IMMT: variants seen among roughly 807,000 people sequenced by gnomAD.
The protein encoded by IMMT is MICOS complex subunit MIC60.
A neutral mutation model predicts 92.7 loss-of-function variants in IMMT; 40 were observed. The observed-to-expected ratio is 0.43, with a 90% CI of 0.34 to 0.56. The LOEUF is 0.56. Ranked by LOEUF, IMMT falls within the 20% of genes least tolerant of loss-of-function variation. IMMT has a pLI of 0.03. For synonymous variants in IMMT, 322 were observed against 336.1 expected (o/e 0.96, Z 0.46); for missense variants, 831 against 912.1 (o/e 0.91, Z 1.14).
At chr2:86,158,864 C>A in intron 9 of IMMT, 143 bp from the exon 10 acceptor site, 1 of 701,488 alleles carries the variant, frequency 1.4e-6, no homozygotes, top group East Asian at 2.9e-5. Context: ...AGAATATAAG[C>A]CTTATTTGTT....
At chr2:86,187,228 C>A (rs886151853) in intron 1 of IMMT, among the ~76,000 whole-genome samples, 1 of 152,154 alleles carries the variant, frequency 6.6e-6, no homozygotes, top group Non-Finnish European at 1.5e-5. Flanking sequence ...CTCTCTCTGG[C>A]CCCTGGCAAC....
intron 3 of IMMT, among the ~76,000 whole-genome samples, chr2:86,178,617 C>T (rs1677611319): frequency 6.6e-6 from 1 of 151,672 alleles, no homozygotes; most frequent in African/African-American, 2.4e-5. Context: ...CAGAGCAAGA[C>T]TCCGTCTTGG....
intron 9 of IMMT, chr2:86,159,229 G>T: frequency 2.6e-6 from 1 of 378,000 alleles, no homozygotes; most frequent in African/African-American, 2.1e-5. Context: ...AGGACTACAG[G>T]CGCACACCAC....
chr2:86,170,358 G>C lies in IMMT; in HGVS notation c.655+391C>G, dbSNP rs376157525. The stretch of plus-strand genomic sequence containing the variant: ...GGCTTTGGCCTGGGAGGTTGAGGCT[G>C]CAGTGAGCCATGACAGTGCCACCGC... On this transcript the variant is annotated intron_variant, in intron 6 of 14. Coordinates refer to ENST00000410111, the MANE Select transcript of IMMT (RefSeq NM_006839.3). Among the ~76,000 whole-genome samples, 7 of 152,188 alleles carry C rather than the reference G, an allele frequency of 4.6e-5. 2 individuals carry two copies. The East Asian group carries it at 1.2e-3, about 25-fold the overall frequency.
intron 2 of IMMT, 36 bp downstream of exon 2, chr2:86,181,263 G>C: frequency 6.6e-7 from 1 of 1,515,062 alleles, no homozygotes; most frequent in Non-Finnish European, 9.2e-7. Flanking sequence ...GCAGCACACA[G>C]TGAAAAGCCT....
intron 6 of IMMT, among the ~76,000 whole-genome samples, chr2:86,167,703 C>T (rs1225946674): frequency 1.3e-5 from 2 of 151,764 alleles, no homozygotes; most frequent in East Asian, 3.9e-4. Flanking sequence ...AGGATGGTCT[C>T]GATCTCCTGA....
At chr2:86,144,970 T>A (rs1674882385) in intron 14 of IMMT, 89 bp from the exon 15 acceptor site, 1 of 1,420,976 alleles carries the variant, frequency 7.0e-7, no homozygotes, top group Admixed American at 2.4e-5. Flanking sequence ...ACAAGCTACA[T>A]CTACACATGT....
chr2:86,158,740 T>C lies in IMMT; in HGVS notation c.1033-19A>G, dbSNP rs563132089. The C allele has an allele frequency of 5.7e-6, 9 of 1,574,498 alleles. No homozygotes were observed. In the African/African-American group the frequency reaches 9.4e-5, roughly 16 times the overall value. ...CTTGGACCTGAGCAAATACACAGGG[T>C]ATGTGATTAAATTGAACAAAAAATA... is the stretch of plus-strand genomic sequence containing the variant. On this transcript the variant is annotated intron_variant, in intron 9 of 14. Transcript: ENST00000410111.
intron 10 of IMMT, among the ~76,000 whole-genome samples, chr2:86,154,127 G>A (rs113153595): frequency 0.055 from 8,324 of 151,260 alleles, 780 homozygotes; most frequent in African/African-American, 0.19. Flanking sequence ...GCCTCCCAAA[G>A]TGCTGGGATT....
rs758195377 is a variant in IMMT at position 86,151,470 on chromosome 2, G to A, written c.1228C>T (p.Arg410Cys). 4.3e-6 allele frequency: 7 copies of A among 1,613,850 alleles called. No individual in the cohort carries two copies. Among genetic ancestry groups the A allele is most frequent in the African/African-American group, 4.0e-5 (3 of 74,914 alleles). The change falls in exon 12 of 15, where the codon CGT becomes TGT. Residue 410 changes from arginine (R) to cysteine (C), a missense_variant. Arg to Cys is a radical substitution (Grantham distance 180). Transcript: ENST00000410111. ...DLNSLIAHAH[R>C]RIDQLNRELA... ...TCTCTGTTCAGCTGATCAATACGAC[G>A]ATGTGCATGAGCAATGAGGGAGTTC...
At position 86,173,640 on chromosome 2, in the gene IMMT, A is replaced by C. The variant is rs1251789024; in HGVS notation, c.421+10T>G. The C allele has an allele frequency of 6.9e-7, 1 of 1,438,854 alleles. No individual in the cohort carries two copies. Among genetic ancestry groups the C allele is most frequent in the Non-Finnish European group, 9.8e-7 (1 of 1,025,360 alleles). 89.1% of individuals were successfully genotyped at this position (1,438,854 alleles called of 1,614,324 possible). ...TATAATTTTAAAAAGATGGTTCAAA[A>C]TATAAGTACCTGTTGCTGAAGCTGG... On this transcript the variant is annotated intron_variant, in intron 4 of 14. Coordinates refer to ENST00000410111, the MANE Select transcript of IMMT (RefSeq NM_006839.3).
intron 8 of IMMT, among the ~76,000 whole-genome samples, chr2:86,161,704 C>T (rs1676291209): frequency 1.3e-5 from 2 of 151,636 alleles, no homozygotes; most frequent in Admixed American, 6.6e-5. Flanking sequence ...TTAATAGAGA[C>T]GGGGTTTCAC....
intron 1 of IMMT, among the ~76,000 whole-genome samples, chr2:86,184,135 G>A (rs1247132404): frequency 2.0e-5 from 3 of 151,956 alleles, no homozygotes; most frequent in East Asian, 1.9e-4. Flanking sequence ...AATCTGAGGG[G>A]TGAAAATACA....
chr2:86,172,002 G>A (rs550767067), intron 4 of IMMT, among the ~76,000 whole-genome samples: 13 of 120,890 alleles, frequency 1.1e-4, no homozygotes, highest in Non-Finnish European at 1.8e-4. Flanking sequence ...GTCTCACTCT[G>A]TTGCCCAGGC....
At chr2:86,161,440 G>A (rs903303663) in intron 8 of IMMT, among the ~76,000 whole-genome samples, 1 of 151,388 alleles carries the variant, frequency 6.6e-6, no homozygotes, top group South Asian at 2.1e-4. Context: ...GATTACAGGC[G>A]TGAGCCACTG....
intron 1 of IMMT, among the ~76,000 whole-genome samples, chr2:86,194,371 C>A (rs1673383991): frequency 2.0e-5 from 3 of 152,192 alleles, no homozygotes; most frequent in Admixed American, 2.0e-4. Flanking sequence ...CAATAGAAAA[C>A]TAACACAGGT....
chr2:86,151,767 A>G (rs946895290), intron 11 of IMMT, among the ~76,000 whole-genome samples: 7 of 152,206 alleles, frequency 4.6e-5, no homozygotes, highest in Non-Finnish European at 1.5e-5. Context: ...ACCCTCTTTT[A>G]ATCTGAACTA....
At chr2:86,169,129 A>T (rs1241177938) in intron 6 of IMMT, among the ~76,000 whole-genome samples, 1 of 152,194 alleles carries the variant, frequency 6.6e-6, no homozygotes, top group African/African-American at 2.4e-5. Flanking sequence ...AATTCTGAAA[A>T]TTTTCACTTT....
Position 86,179,574 on chromosome 2 carries a change from TCCA to T in IMMT, c.165_167del (p.Gly57del). ...CATATAGGATAGTGCCACCAATACC[TCCA>T]CCAACAAACAAAAGGCCAGCTCCAG... On this transcript the variant is annotated inframe_deletion, in exon 3 of 15. Coordinates refer to ENST00000410111, the MANE Select transcript of IMMT (RefSeq NM_006839.3). 2 of 1,605,114 alleles carry T rather than the reference TCCA, an allele frequency of 1.2e-6. No individual in the cohort carries two copies. Among genetic ancestry groups the T allele is most frequent in the Non-Finnish European group, 1.7e-6 (2 of 1,177,590 alleles).
Sources: allele counts gnomAD v4.1 joint callset (sites outside exome capture counted in the v4.1 genomes callset), GRCh38; gene constraint gnomAD v4.1.1; transcripts MANE v1.5; gene names NCBI Gene and HGNC (gene_info 2026-07-23, HGNC 2026-07-21).